Variants in ABCB1 observed in about 807,000 individuals in gnomAD.
The protein encoded by ABCB1 is ATP-dependent translocase ABCB1.
Under a neutral mutation model 142.0 loss-of-function variants are expected in ABCB1, and 69 were observed. The ratio of observed to expected loss-of-function variants is 0.49; its 90% CI spans 0.40 to 0.59. The LOEUF (loss-of-function observed/expected upper bound fraction) is 0.59, where lower values mean the gene tolerates loss of function less well. Ranked by LOEUF, ABCB1 falls within the 20% of genes least tolerant of loss-of-function variation. ABCB1 has a pLI of 0.00. For synonymous variants in ABCB1, 532 were observed against 539.2 expected, an observed-to-expected ratio of 0.99 and a Z score of 0.18; for missense variants, 1,326 against 1,554.7, an observed-to-expected ratio of 0.85 and a Z score of 2.47.
intron 1 of ABCB1, among the ~76,000 whole-genome samples, chr7:87,643,822 C>T (rs953431253): frequency 3.3e-5 from 5 of 151,918 alleles, no homozygotes; most frequent in African/African-American, 4.8e-5. Flanking sequence ...CCACCACGCC[C>T]GGCCAAGAAT....
At chr7:87,605,498 G>T (rs902778668), upstream of ABCB1, among the ~76,000 whole-genome samples, 1 of 152,132 alleles carries the variant, frequency 6.6e-6, no homozygotes, top group African/African-American at 2.4e-5. Context: ...GTAAGTCACT[G>T]CCCCCTATTA....
chr7:87,503,113 T>C lies in ABCB1; in HGVS notation c.*1130A>G, dbSNP rs1043695007. On this transcript the variant is annotated 3_prime_UTR_variant, in exon 28 of 28. Coordinates refer to ENST00000622132, the MANE Select transcript of ABCB1 (RefSeq NM_001348946.2). The stretch of plus-strand genomic sequence containing the variant: ...CATTTATTTGATTGTTGAAACTGTA[T>C]ACATTTTTCTCATGCATTTCTTCTT... Among the ~76,000 whole-genome samples, 1 of 152,068 alleles carries C rather than the reference T, an allele frequency of 6.6e-6. No homozygotes were observed. The highest frequency in any genetic ancestry group is 1.5e-5 in the Non-Finnish European group (1 of 67,972).
chr7:87,703,940 T>TTTTTTTTAG (rs1829360784), intron 1 of ABCB1, among the ~76,000 whole-genome samples: 1 of 124,182 alleles, frequency 8.1e-6, no homozygotes, highest in Non-Finnish European at 1.7e-5. Flanking sequence ...TTTTTTTTTT[T>TTTTTTTTAG]GAGACAGTCT....
At chr7:87,708,777 C>T (rs1299301608) in intron 1 of ABCB1, among the ~76,000 whole-genome samples, 1 of 151,998 alleles carries the variant, frequency 6.6e-6, no homozygotes, top group African/African-American at 2.4e-5. Flanking sequence ...CTAATTGTGT[C>T]TGTTTTTCAT....
chr7:87,527,016 C>T (rs917235979), intron 21 of ABCB1, among the ~76,000 whole-genome samples: 59 of 151,704 alleles, frequency 3.9e-4, no homozygotes, highest in Admixed American at 2.3e-3. Flanking sequence ...AGGGCACTTT[C>T]GACTGCATTA....
chr7:87,694,101 T>G (rs1585122053), intron 1 of ABCB1: 11 of 599,584 alleles, frequency 1.8e-5, no homozygotes, highest in South Asian at 1.0e-4. Context: ...TGTGTTTTTG[T>G]TTTTTTTTTT....
intron 1 of ABCB1, among the ~76,000 whole-genome samples, chr7:87,691,448 C>T (rs972323191): frequency 2.0e-5 from 3 of 152,012 alleles, no homozygotes; most frequent in African/African-American, 7.2e-5. Context: ...CTTTCTGAAC[C>T]TGGTTTCTTT....
chr7:87,579,716 T>TCTTC (rs1818427546), intron 4 of ABCB1, among the ~76,000 whole-genome samples: 1 of 152,186 alleles, frequency 6.6e-6, no homozygotes, highest in Non-Finnish European at 1.5e-5. Context: ...TGTGATCTTC[T>TCTTC]CTTCCTTCTT....
At chr7:87,635,369 G>T (rs1283310854) in intron 1 of ABCB1, among the ~76,000 whole-genome samples, 3 of 152,142 alleles carry the variant, frequency 2.0e-5, no homozygotes, top group African/African-American at 4.8e-5. Flanking sequence ...GTCAAAAGGG[G>T]CTTCTTTTTT....
At chr7:87,528,666 C>T (rs550614218) in intron 21 of ABCB1, among the ~76,000 whole-genome samples, 2 of 152,254 alleles carry the variant, frequency 1.3e-5, no homozygotes, top group Admixed American at 6.5e-5. Flanking sequence ...TGACATCATG[C>T]AGTCAGAATA....
chr7:87,574,508 C>T (rs1376586697), intron 4 of ABCB1, among the ~76,000 whole-genome samples: 3 of 152,178 alleles, frequency 2.0e-5, no homozygotes, highest in Non-Finnish European at 4.4e-5. Context: ...ACATCCCTTT[C>T]TAGCGTCAAC....
At chr7:87,681,339 G>T (rs970593867) in intron 1 of ABCB1, among the ~76,000 whole-genome samples, 1 of 150,436 alleles carries the variant, frequency 6.6e-6, no homozygotes, top group Non-Finnish European at 1.5e-5. Flanking sequence ...GAAACTATTA[G>T]CCTGATACAA....
In ABCB1 at chr7:87,553,555, C is replaced by T. The variant is rs528754724; in HGVS notation, c.999+206G>A. On this transcript the variant is annotated intron_variant, in intron 9 of 27. Coordinates refer to ENST00000622132, the MANE Select transcript of ABCB1 (RefSeq NM_001348946.2). ...CAGGATGGTCTCGATCTCCTGACCTCGTGATCTGCCTGCCTCGGCCTCCCA... is the reference window on the plus strand; with the variant it reads ...CAGGATGGTCTCGATCTCCTGACCTTGTGATCTGCCTGCCTCGGCCTCCCA... 2.7e-3 allele frequency among the ~76,000 whole-genome samples: 408 copies of T among 152,092 alleles called. 1 individual carries two copies. The highest frequency in any genetic ancestry group is 9.2e-3 in the African/African-American group (381 of 41,494).
intron 1 of ABCB1, among the ~76,000 whole-genome samples, chr7:87,675,450 C>T (rs1826229585): frequency 6.6e-6 from 1 of 151,966 alleles, no homozygotes; most frequent in Non-Finnish European, 1.5e-5. Flanking sequence ...TGACTTCAAA[C>T]TATGTTACAA....
At chr7:87,642,030 A>G (rs1402059601) in intron 1 of ABCB1, among the ~76,000 whole-genome samples, 1 of 151,974 alleles carries the variant, frequency 6.6e-6, no homozygotes, top group Non-Finnish European at 1.5e-5. Flanking sequence ...TTATACGTGG[A>G]CGATATGCTT....
chr7:87,620,447 G>A (rs550989321), intron 1 of ABCB1, among the ~76,000 whole-genome samples: 9 of 151,998 alleles, frequency 5.9e-5, no homozygotes, highest in Admixed American at 2.6e-4. Flanking sequence ...CGAGTAACTC[G>A]TTTCTAATTG....
intron 21 of ABCB1, among the ~76,000 whole-genome samples, chr7:87,527,155 T>C (rs1250047980): frequency 2.0e-5 from 3 of 152,122 alleles, no homozygotes; most frequent in Non-Finnish European, 4.4e-5. Context: ...TAAAGCCAAA[T>C]ATCTTTCTAA....
intron 1 of ABCB1, among the ~76,000 whole-genome samples, chr7:87,640,075 T>C (rs1351124430): frequency 2.0e-5 from 3 of 150,710 alleles, no homozygotes; most frequent in Non-Finnish European, 4.4e-5. Context: ...TTCTATTCTT[T>C]TGGCAGTTAC....
chr7:87,594,867 T>C (rs1465333198), intron 3 of ABCB1, among the ~76,000 whole-genome samples: 1 of 152,166 alleles, frequency 6.6e-6, no homozygotes, highest in Non-Finnish European at 1.5e-5. Flanking sequence ...TGCAAGACAA[T>C]CTATCCACTC....
Sources: allele counts gnomAD v4.1 joint callset (sites outside exome capture counted in the v4.1 genomes callset), GRCh38; gene constraint gnomAD v4.1.1; transcripts MANE v1.5; gene names NCBI Gene and HGNC (gene_info 2026-07-23, HGNC 2026-07-21).